COL25A1: variants seen among roughly 807,000 people sequenced by gnomAD.
COL25A1 encodes collagen type XXV alpha 1 chain.
Under a neutral mutation model 128.4 loss-of-function variants are expected in COL25A1, and 103 were observed. The observed-to-expected ratio is 0.80, with a 90% CI of 0.68 to 0.94. The LOEUF is 0.94. Among genes scored for constraint, COL25A1 ranks in the 40% least tolerant of loss-of-function variants. The probability of loss-of-function intolerance (pLI) is 0.00; values close to 1 mark genes in which losing one functional copy is unlikely to be tolerated. For missense variants in COL25A1, 745 were observed against 840.0 expected (o/e 0.89, Z 1.40); for synonymous variants, 279 against 277.2 (o/e 1.01, Z -0.06).
chr4:108,907,208 GGGT>G (rs1453110373), intron 13 of COL25A1, among the ~76,000 whole-genome samples: 1 of 152,178 alleles, frequency 6.6e-6, no homozygotes, highest in African/African-American at 2.4e-5. Context: ...GTGAAGGGCA[GGGT>G]GACAGGAATG....
In COL25A1 at chr4:108,938,830, C is replaced by T. The variant is rs1211358575; in HGVS notation, c.673-987G>A. On this transcript the variant is annotated intron_variant, in intron 10 of 37. Coordinates refer to ENST00000399132, the MANE Select transcript of COL25A1 (RefSeq NM_198721.4). ...GGAGATCACACCACTGCTCTCCAGC[C>T]TGGGTGACAGAGCGAGACTCCGTCT... Among the ~76,000 whole-genome samples, 3 of 151,852 alleles carry T rather than the reference C, an allele frequency of 2.0e-5. No individual in the cohort carries two copies. The East Asian group carries it at 5.8e-4, about 29-fold the overall frequency.
chr4:109,164,635 T>A (rs1180342775), intron 3 of COL25A1, among the ~76,000 whole-genome samples: 1 of 152,226 alleles, frequency 6.6e-6, no homozygotes, highest in Non-Finnish European at 1.5e-5. Context: ...AAGAATCATT[T>A]ATCTCGTGTT....
chr4:109,254,597 A>G (rs1780960616), intron 3 of COL25A1, among the ~76,000 whole-genome samples: 1 of 148,510 alleles, frequency 6.7e-6, no homozygotes, highest in African/African-American at 2.5e-5. Flanking sequence ...TGGATTATCA[A>G]CTCCTTAAAC....
intron 8 of COL25A1, among the ~76,000 whole-genome samples, chr4:108,948,344 CT>C (rs1449106024): frequency 1.3e-5 from 2 of 152,066 alleles, no homozygotes. Flanking sequence ...GAATTGGGGC[CT>C]GTGGAAATCA....
At chr4:109,215,172 TAACA>T (rs1490499709) in intron 3 of COL25A1, among the ~76,000 whole-genome samples, 1 of 152,140 alleles carries the variant, frequency 6.6e-6, no homozygotes, top group African/African-American at 2.4e-5. Flanking sequence ...GAAATCAGGG[TAACA>T]AGTTAGGTCA....
At chr4:109,169,893 C>T (rs1410655699) in intron 3 of COL25A1, among the ~76,000 whole-genome samples, 1 of 152,076 alleles carries the variant, frequency 6.6e-6, no homozygotes, top group African/African-American at 2.4e-5. Context: ...ACAAGAGTTA[C>T]ACAATTCAAT....
At chr4:108,837,917 C>T (rs1733997294) in intron 31 of COL25A1, among the ~76,000 whole-genome samples, 3 of 152,162 alleles carry the variant, frequency 2.0e-5, no homozygotes, top group Admixed American at 6.5e-5. Context: ...TGTGGGTCTT[C>T]CTCTGACACA....
At chr4:108,950,744 T>C (rs1019120084) in intron 8 of COL25A1, among the ~76,000 whole-genome samples, 4 of 152,174 alleles carry the variant, frequency 2.6e-5, no homozygotes, top group African/African-American at 9.6e-5. Flanking sequence ...AGAGATGAAC[T>C]AAAACATGCA....
intron 34 of COL25A1, 92 bp downstream of exon 34, chr4:108,825,104 C>T: frequency 9.8e-7 from 1 of 1,024,142 alleles, no homozygotes; most frequent in Non-Finnish European, 1.5e-6. Context: ...CCTATATGCA[C>T]AGAAAAAAAA....
At chr4:109,132,568 C>T (rs1033562326) in intron 3 of COL25A1, among the ~76,000 whole-genome samples, 1 of 152,034 alleles carries the variant, frequency 6.6e-6, no homozygotes, top group African/African-American at 2.4e-5. Flanking sequence ...CAAAAAAATA[C>T]ATTAAATAAT....
chr4:108,845,955 T>G (rs569044423), intron 28 of COL25A1, among the ~76,000 whole-genome samples, 184 bp downstream of exon 28: 8 of 152,336 alleles, frequency 5.3e-5, no homozygotes, highest in African/African-American at 1.9e-4. Flanking sequence ...TTTGGTTACA[T>G]GCCTTACAAT....
chr4:109,264,406 G>A lies in COL25A1; in HGVS notation c.367+36177C>T, dbSNP rs569757431. On this transcript the variant is annotated intron_variant, in intron 3 of 37. Transcript: ENST00000399132. ...TACTGGAGAAGAGCAATAATGGAGT[G>A]GGGGAAACTCATTGGTAGCTGTTAC... 5.9e-5 allele frequency among the ~76,000 whole-genome samples: 9 copies of A among 152,310 alleles called. No homozygotes were observed. The South Asian group carries it at 1.0e-3, about 18-fold the overall frequency.
At chr4:108,943,824 CA>C (rs200181154) in intron 8 of COL25A1, among the ~76,000 whole-genome samples, 2,839 of 137,246 alleles carry the variant, frequency 0.021, 47 homozygotes, top group Non-Finnish European at 0.028. Context: ...TCCTTTTTTT[CA>C]AAAAAAAAAA....
chr4:109,234,352 T>A (rs1779338306), intron 3 of COL25A1, among the ~76,000 whole-genome samples: 1 of 152,112 alleles, frequency 6.6e-6, no homozygotes. Context: ...TGTGATAGAC[T>A]CTCCAACATC....
At chr4:108,985,839 A>T (rs1753618905) in intron 6 of COL25A1, among the ~76,000 whole-genome samples, 1 of 152,160 alleles carries the variant, frequency 6.6e-6, no homozygotes, top group African/African-American at 2.4e-5. Flanking sequence ...ATTCTTTTTC[A>T]AGCTGCAATC....
chr4:109,288,965 ACAC>A, intron 3 of COL25A1, among the ~76,000 whole-genome samples: 1 of 6,112 alleles, frequency 1.6e-4, no homozygotes, highest in African/African-American at 2.4e-4. Context: ...TTATATATAC[ACAC>A]ACACACACAC....
intron 16 of COL25A1, among the ~76,000 whole-genome samples, 182 bp downstream of exon 16, chr4:108,896,485 C>T (rs1243861007): frequency 2.6e-5 from 4 of 152,022 alleles, no homozygotes; most frequent in Non-Finnish European, 4.4e-5. Flanking sequence ...TGGATAGGAG[C>T]TTGTGGAATA....
chr4:109,023,982 T>C (rs11098026), intron 5 of COL25A1, among the ~76,000 whole-genome samples: 76,468 of 152,110 alleles, frequency 0.5, 22,014 homozygotes, highest in African/African-American at 0.77. Flanking sequence ...TCTTCAGGCC[T>C]AGCGGGCATT....
chr4:109,249,513 C>T (rs1322345724), intron 3 of COL25A1, among the ~76,000 whole-genome samples: 3 of 152,110 alleles, frequency 2.0e-5, no homozygotes, highest in Non-Finnish European at 4.4e-5. Context: ...ACAAAATAAA[C>T]AACAACAATG....
Sources: allele counts gnomAD v4.1 joint callset (sites outside exome capture counted in the v4.1 genomes callset), GRCh38; gene constraint gnomAD v4.1.1; transcripts MANE v1.5; gene names NCBI Gene and HGNC (gene_info 2026-07-23, HGNC 2026-07-21).